Variants in PDE4B observed in about 807,000 individuals in gnomAD.
The protein encoded by PDE4B is 3',5'-cyclic-AMP phosphodiesterase 4B.
In PDE4B, 20 loss-of-function variants were observed where a neutral mutation model predicts 82.2. That is an observed-to-expected ratio of 0.24 (90% CI 0.17 to 0.35). PDE4B has a LOEUF of 0.35. PDE4B is among the 10% of genes least tolerant of loss of function. The pLI, the probability that PDE4B is intolerant of heterozygous loss-of-function variation, is 1.00. For synonymous variants in PDE4B, 320 were observed against 318.9 expected (o/e 1.00, Z -0.04); for missense variants, 655 against 907.2 (o/e 0.72, Z 3.57).
chr1:66,187,996 A>G (rs1647335156), intron 3 of PDE4B, among the ~76,000 whole-genome samples: 1 of 144,002 alleles, frequency 6.9e-6, no homozygotes, highest in African/African-American at 2.5e-5. Context: ...CCCTCTACAC[A>G]CTGCTTTGAA....
At chr1:65,948,930 G>C (rs55649302) in intron 3 of PDE4B, among the ~76,000 whole-genome samples, 3,552 of 152,126 alleles carry the variant, frequency 0.023, 138 homozygotes, top group African/African-American at 0.081. Context: ...CTGCCGTCAC[G>C]TATCTCTTTT....
intron 3 of PDE4B, among the ~76,000 whole-genome samples, chr1:66,006,054 T>C (rs1226490132): frequency 6.6e-6 from 1 of 152,208 alleles, no homozygotes; most frequent in Non-Finnish European, 1.5e-5. Context: ...AAAAAGTTTC[T>C]AAAAAAGTTT....
intron 7 of PDE4B, among the ~76,000 whole-genome samples, chr1:66,299,011 C>T (rs1335176975): frequency 2.6e-5 from 4 of 152,048 alleles, no homozygotes; most frequent in Non-Finnish European, 5.9e-5. Context: ...GTATACACTG[C>T]ATAATGATCA....
chr1:66,300,449 T>A (rs972997637), intron 7 of PDE4B, among the ~76,000 whole-genome samples: 1 of 152,100 alleles, frequency 6.6e-6, no homozygotes, highest in Non-Finnish European at 1.5e-5. Flanking sequence ...TGTACTTTAT[T>A]GACTGTGGAC....
chr1:65,961,952 A>G lies in PDE4B; in HGVS notation c.281+43117A>G, dbSNP rs576783283. Among the ~76,000 whole-genome samples the G allele has an allele frequency of 9.8e-4, 149 of 152,298 alleles. 1 individual carries two copies. The Middle Eastern group carries it at 0.014, about 14-fold the overall frequency. ...AAGAGTCTGTAGCATGCGATTTAAC[A>G]CAGATGCTTCTCCACTTATAATGAG... On this transcript the variant is annotated intron_variant, in intron 3 of 16. Transcript: ENST00000341517.
At chr1:65,909,557 T>C (rs1647064330) in intron 1 of PDE4B, among the ~76,000 whole-genome samples, 1 of 152,184 alleles carries the variant, frequency 6.6e-6, no homozygotes, top group Admixed American at 6.6e-5. Context: ...AACAGAACGT[T>C]ATGAAGGACT....
At chr1:66,322,202 C>G (rs530500896) in intron 7 of PDE4B, among the ~76,000 whole-genome samples, 1 of 152,256 alleles carries the variant, frequency 6.6e-6, no homozygotes, top group South Asian at 2.1e-4. Flanking sequence ...AATGTAAGAT[C>G]TAACACCATA....
chr1:66,297,672 A>G (rs992601444), intron 7 of PDE4B, among the ~76,000 whole-genome samples: 2 of 152,100 alleles, frequency 1.3e-5, no homozygotes, highest in Admixed American at 6.6e-5. Flanking sequence ...ACCCACTTCT[A>G]TGATAATAAT....
At chr1:65,934,592 G>A (rs1648021524) in intron 3 of PDE4B, among the ~76,000 whole-genome samples, 1 of 152,182 alleles carries the variant, frequency 6.6e-6, no homozygotes. Context: ...ACAAAGAGCA[G>A]TTGAATGAAT....
chr1:65,951,596 C>T (rs1037076219), intron 3 of PDE4B, among the ~76,000 whole-genome samples: 6 of 152,010 alleles, frequency 3.9e-5, no homozygotes, highest in Non-Finnish European at 8.8e-5. Flanking sequence ...CCCTAAAACT[C>T]TGAGCATACT....
At chr1:66,033,477 G>A (rs1250013000) in intron 3 of PDE4B, among the ~76,000 whole-genome samples, 3 of 152,152 alleles carry the variant, frequency 2.0e-5, no homozygotes, top group East Asian at 1.9e-4. Context: ...AGACGGTGGC[G>A]CTTTATTCAC....
intron 3 of PDE4B, among the ~76,000 whole-genome samples, chr1:66,177,511 C>G (rs1489801857): frequency 1.3e-5 from 2 of 152,170 alleles, no homozygotes; most frequent in South Asian, 4.1e-4. Flanking sequence ...ACCCTCTTAC[C>G]TCCTTGAGAA....
chr1:66,253,335 G>A (rs1259913684), intron 4 of PDE4B, among the ~76,000 whole-genome samples: 1 of 152,208 alleles, frequency 6.6e-6, no homozygotes, highest in Non-Finnish European at 1.5e-5. Flanking sequence ...AAGGTGGAAT[G>A]AATTAATAAA....
chr1:66,319,850 C>A (rs17427502), intron 7 of PDE4B, among the ~76,000 whole-genome samples: 8,309 of 152,244 alleles, frequency 0.055, 349 homozygotes, highest in Middle Eastern at 0.1. Context: ...TTTGTGCATG[C>A]TATTCTTCCA....
intron 7 of PDE4B, among the ~76,000 whole-genome samples, chr1:66,293,734 ATAAACT>A (rs1657283349): frequency 6.6e-6 from 1 of 152,232 alleles, no homozygotes; most frequent in Admixed American, 6.5e-5. Flanking sequence ...AACCAAGAAA[ATAAACT>A]TTAACAAAAT....
intron 3 of PDE4B, among the ~76,000 whole-genome samples, chr1:66,081,838 G>C (rs927268496): frequency 1.6e-4 from 23 of 148,178 alleles, no homozygotes; most frequent in African/African-American, 5.4e-4. Context: ...CTCTCTGTGT[G>C]TGTGTGTGTG....
intron 3 of PDE4B, among the ~76,000 whole-genome samples, chr1:66,069,206 CA>C (rs1392555037): frequency 7.9e-5 from 12 of 152,092 alleles, no homozygotes; most frequent in Non-Finnish European, 1.5e-4. Context: ...CCAATAACTC[CA>C]ATTGACTTTT....
At chr1:66,128,728 T>C (rs1645873155) in intron 3 of PDE4B, among the ~76,000 whole-genome samples, 1 of 152,204 alleles carries the variant, frequency 6.6e-6, no homozygotes, top group Non-Finnish European at 1.5e-5. Flanking sequence ...TTTAATGGAC[T>C]CACAGTTCCA....
At chr1:66,010,555 A>G (rs548202509) in intron 3 of PDE4B, among the ~76,000 whole-genome samples, 1 of 151,430 alleles carries the variant, frequency 6.6e-6, no homozygotes, top group East Asian at 1.9e-4. Context: ...CATAATGGGC[A>G]TTAAGTAGAT....
Sources: gnomAD v4.1 joint callset for allele counts (sites outside exome capture counted in the v4.1 genomes callset) on GRCh38, gnomAD v4.1.1 for gene constraint, MANE v1.5 for transcripts, NCBI Gene and HGNC (gene_info 2026-07-23, HGNC 2026-07-21) for gene names.